The following PHF8 variants were observed in gnomAD, a reference collection of about 807,000 sequenced individuals.
PHF8 encodes histone lysine demethylase PHF8.
Under a neutral mutation model 74.4 loss-of-function variants are expected in PHF8, and 9 were observed. The ratio of observed to expected loss-of-function variants is 0.12; its 90% CI spans 0.07 to 0.21. The LOEUF (loss-of-function observed/expected upper bound fraction) is 0.21. Ranked by LOEUF, PHF8 falls within the 10% of genes least tolerant of loss-of-function variation. PHF8 has a pLI of 1.00. For missense variants in PHF8, 478 were observed against 816.6 expected, an observed-to-expected ratio of 0.59 and a Z score of 5.05; for synonymous variants, 311 against 316.6, an observed-to-expected ratio of 0.98 and a Z score of 0.19.
chrX:53,953,750 CAA>C (rs1354358174), intron 19 of PHF8, among the ~76,000 whole-genome samples: 37 of 108,897 alleles, frequency 3.4e-4, no homozygotes, highest in African/African-American at 1.2e-3. Context: ...ACATAGAAAA[CAA>C]ATAGCAAAAT....
In PHF8 at chrX:53,944,170, T is replaced by C. The variant is rs782798676; in HGVS notation, c.2613A>G (p.Thr871=). 15 of 1,207,351 alleles carry C rather than the reference T, an allele frequency of 1.2e-5. No individual in the cohort carries two copies. Among genetic ancestry groups the C allele is most frequent in the African/African-American group, 1.7e-5 (1 of 57,264 alleles). The part of the protein sequence containing the change: ...REGTRVASIE[T]GLAAAAAKLA... ...GCTTTGCAGCTGCTGCAGCCAAACCTGTCTCAATAGAGGCTACCCGGGTCC... is the reference window on the plus strand; with the variant it reads ...GCTTTGCAGCTGCTGCAGCCAAACCCGTCTCAATAGAGGCTACCCGGGTCC... Residue 871 remains threonine, a synonymous_variant, in exon 20 of 22, where the codon ACA becomes ACG. Transcript: ENST00000338154.
At chrX:54,009,131 T>C (rs1157603012) in intron 8 of PHF8, among the ~76,000 whole-genome samples, 1 of 111,597 alleles carries the variant, frequency 9.0e-6, no homozygotes, top group Admixed American at 9.5e-5. Context: ...TAAGCCGAGA[T>C]TGTGCCACTG....
At chrX:53,966,831 G>T (rs782256731) in intron 18 of PHF8, among the ~76,000 whole-genome samples, 6,686 of 107,832 alleles carry the variant, frequency 0.062, 488 homozygotes, top group African/African-American at 0.22. Flanking sequence ...AGTGAGGAGC[G>T]TCTCTGCCCG....
chrX:53,989,508 AG>A (rs1557100758), intron 14 of PHF8, among the ~76,000 whole-genome samples: 1 of 109,825 alleles, frequency 9.1e-6, no homozygotes, highest in African/African-American at 3.3e-5. Context: ...ACAGTCAAAA[AG>A]AAAAAAAAAA....
chrX:54,002,718 G>C, intron 8 of PHF8, 36 bp from the exon 9 acceptor site: 1 of 934,445 alleles, frequency 1.1e-6, no homozygotes, highest in South Asian at 2.0e-5. Context: ...AGCTGGAAGA[G>C]GGCCTTTCTT....
chrX:53,971,851 A>G (rs1343338388), intron 18 of PHF8, among the ~76,000 whole-genome samples: 1 of 111,492 alleles, frequency 9.0e-6, no homozygotes, highest in Non-Finnish European at 1.9e-5. Context: ...TAGCCTACCA[A>G]CCAAAAAAAG....
In PHF8 at chrX:53,938,790, T is replaced by A; in HGVS notation, c.*368A>T. ...GTCAAGCACTGGGCTTCCCACTTCA[T>A]GGCTCAGGCTCCTTCATACCTCTCC... is the stretch of plus-strand genomic sequence containing the variant. On this transcript the variant is annotated 3_prime_UTR_variant, in exon 22 of 22. Coordinates refer to ENST00000338154, the MANE Select transcript of PHF8 (RefSeq NM_015107.3). 8 of 787,004 alleles carry A rather than the reference T, an allele frequency of 1.0e-5. No individual in the cohort carries two copies. The highest frequency in any genetic ancestry group is 1.2e-5 in the Non-Finnish European group (8 of 660,810). The allele number at this position is 787,004 out of a possible 1,213,427, so 64.9% of individuals were successfully genotyped here.
At chrX:54,019,303 CA>C (rs1204240087) in intron 4 of PHF8, among the ~76,000 whole-genome samples, 2 of 103,279 alleles carry the variant, frequency 1.9e-5, no homozygotes, top group East Asian at 3.0e-4. Context: ...ACAAAAAATA[CA>C]AAAAAAAAAT....
chrX:54,037,258 G>T (rs375281344), intron 2 of PHF8, among the ~76,000 whole-genome samples: 28 of 111,320 alleles, frequency 2.5e-4, no homozygotes, highest in African/African-American at 8.8e-4. Context: ...TTTGTTTTCG[G>T]TTTTTTTGAG....
intron 20 of PHF8, chrX:53,943,194 T>C: frequency 1.1e-6 from 1 of 901,989 alleles, no homozygotes; most frequent in Non-Finnish European, 1.4e-6. Flanking sequence ...TGTATTGGGA[T>C]ATACATAAGA....
At chrX:54,004,472 A>G (rs1412857551) in intron 8 of PHF8, among the ~76,000 whole-genome samples, 1 of 112,107 alleles carries the variant, frequency 8.9e-6, no homozygotes, top group African/African-American at 3.2e-5. Flanking sequence ...ATATGGTTAG[A>G]CAAATATAGA....
At chrX:54,043,459 C>T (rs1168980064) in intron 1 of PHF8, among the ~76,000 whole-genome samples, 1 of 110,875 alleles carries the variant, frequency 9.0e-6, no homozygotes, top group Non-Finnish European at 1.9e-5. Flanking sequence ...TCTCATCACC[C>T]CCAAAACTGA....
intron 19 of PHF8, among the ~76,000 whole-genome samples, chrX:53,960,327 G>A (rs1287368419): frequency 9.3e-6 from 1 of 107,858 alleles, no homozygotes; most frequent in African/African-American, 3.4e-5. Flanking sequence ...CACCCGCCTC[G>A]GCCTCCCAAA....
chrX:54,024,662 T>C (rs2066236471), intron 2 of PHF8, among the ~76,000 whole-genome samples: 1 of 111,868 alleles, frequency 8.9e-6, no homozygotes, highest in African/African-American at 3.2e-5. Context: ...TCTACACCGG[T>C]GCCACTCAAA....
intron 2 of PHF8, among the ~76,000 whole-genome samples, chrX:54,028,119 G>A (rs2066298893): frequency 9.0e-6 from 1 of 111,008 alleles, no homozygotes; most frequent in African/African-American, 3.3e-5. Flanking sequence ...CCCAAAGGGA[G>A]TAAGGGAGCA....
intron 14 of PHF8, among the ~76,000 whole-genome samples, chrX:53,990,485 T>C (rs1367880265): frequency 9.0e-6 from 1 of 111,532 alleles, no homozygotes; most frequent in Admixed American, 9.5e-5. Context: ...ATAGCCATTA[T>C]AGGCTAGACT....
Position 53,984,990 on chromosome X carries a change from C to G in PHF8, c.2367G>C (p.Glu789Asp), listed in dbSNP as rs1603312249. Residue 789 changes from glutamate (E) to aspartate (D), a missense_variant, in exon 18 of 22, where the codon GAG becomes GAC. By Grantham distance (45) the Glu-to-Asp change is conservative. This residue lies in a region of PHF8 where 51 missense variants were observed against 45.8 expected (regional missense o/e 1.11). Transcript: ENST00000338154. The stretch of plus-strand genomic sequence containing the variant: ...TGGCGTTCTCCTCCTCCTCCTCGCT[C>G]TCGGTTCTCCAGTATGCTGGCCGCT... ...PIKRPAYWRT[E>D]SEEEEENASL... 6 of 1,211,235 alleles carry G rather than the reference C, an allele frequency of 5.0e-6. No individual in the cohort carries two copies. In the East Asian group the frequency reaches 1.8e-4, roughly 36 times the overall value.
Position 54,009,844 on chromosome X carries a change from G to GGAAAAAAAAA in PHF8, c.946+1277_946+1278insTTTTTTTTTC, listed in dbSNP as rs2065952773. ...GGTGACAGAGTGAGACTCTGTCTCA[G>GGAAAAAAAAA]AAAAAAAAAAAAAAAAAAAAAAAAA... On this transcript the variant is annotated intron_variant, in intron 8 of 21. Coordinates refer to ENST00000338154, the MANE Select transcript of PHF8 (RefSeq NM_015107.3). Among the ~76,000 whole-genome samples the GGAAAAAAAAA allele has an allele frequency of 3.4e-3, 32 of 9,388 alleles. 5 individuals carry two copies. The highest frequency in any genetic ancestry group is 4.2e-3 in the African/African-American group (27 of 6,415). 8.2% of individuals were successfully genotyped at this position (9,388 alleles called of 115,157 possible). A position where few individuals can be genotyped will look rare whatever the true frequency, so the allele number is the denominator to read the frequency against.
In PHF8 at chrX:54,043,745, C is replaced by T; in HGVS notation, c.-93+17G>A. On this transcript the variant is annotated intron_variant, in intron 1 of 21. Coordinates refer to ENST00000338154, the MANE Select transcript of PHF8 (RefSeq NM_015107.3). ...CCTAAAACTGACAGTAATAGCCTCG[C>T]AGCCCCCAAAACTTACAGGAATCTT... The T allele has an allele frequency of 3.1e-6, 2 of 651,374 alleles. No homozygotes were observed. The highest frequency in any genetic ancestry group is 3.7e-6 in the Non-Finnish European group (2 of 545,281). 53.7% of individuals were successfully genotyped at this position (651,374 alleles called of 1,213,427 possible). A position where few individuals can be genotyped will look rare whatever the true frequency, so the allele number is the denominator to read the frequency against.
Sources: allele counts gnomAD v4.1 joint callset (sites outside exome capture counted in the v4.1 genomes callset), GRCh38; gene constraint gnomAD v4.1.1; regional missense constraint gnomAD v4.1.1; transcripts MANE v1.5; gene names NCBI Gene and HGNC (gene_info 2026-07-23, HGNC 2026-07-21).